MYO16: variants seen among roughly 807,000 people sequenced by gnomAD.
MYO16 encodes myosin XVI.
Under a neutral mutation model 205.3 loss-of-function variants are expected in MYO16, and 94 were observed. The observed-to-expected ratio is 0.46, with a 90% CI of 0.39 to 0.54. The LOEUF (loss-of-function observed/expected upper bound fraction) is 0.54. MYO16 is among the 20% of genes least tolerant of loss of function. MYO16 has a pLI of 0.00. For missense variants in MYO16, 2,315 were observed against 2,387.5 expected (o/e 0.97, Z 0.63); for synonymous variants, 988 against 954.0 (o/e 1.04, Z -0.66).
chr13:108,990,147 T>TAC (rs56975148), intron 20 of MYO16, among the ~76,000 whole-genome samples: 5,925 of 148,368 alleles, frequency 0.04, 125 homozygotes, highest in Non-Finnish European at 0.049. Context: ...ACACAGACAA[T>TAC]ACACACACAC....
chr13:108,950,501 A>T (rs962007510), intron 16 of MYO16, among the ~76,000 whole-genome samples: 1 of 152,216 alleles, frequency 6.6e-6, no homozygotes, highest in African/African-American at 2.4e-5. Flanking sequence ...ATACCACCAC[A>T]TACCTATCAG....
upstream of MYO16, chr13:108,596,132 ACT>A (rs1460100324): frequency 6.6e-6 from 1 of 151,510 alleles, no homozygotes; most frequent in Non-Finnish European, 1.5e-5. Flanking sequence ...GATGTGTCAG[ACT>A]CTGAGCGTGG....
intron 20 of MYO16, among the ~76,000 whole-genome samples, chr13:108,969,682 T>TAGCACGTTTGAGA (rs1883936051): frequency 6.6e-6 from 1 of 152,226 alleles, no homozygotes; most frequent in African/African-American, 2.4e-5. Flanking sequence ...TTTACAGTGT[T>TAGCACGTTTGAGA]AGCACGTTTG....
intron 34 of MYO16, among the ~76,000 whole-genome samples, chr13:109,191,617 G>C (rs187909688): frequency 4.6e-5 from 7 of 152,260 alleles, no homozygotes; most frequent in Admixed American, 4.6e-4. Flanking sequence ...AAAGGGAGCA[G>C]CCAAGGCCCT....
At chr13:109,108,860 C>T (rs1273851283) in intron 28 of MYO16, among the ~76,000 whole-genome samples, 1 of 152,046 alleles carries the variant, frequency 6.6e-6, no homozygotes, top group East Asian at 1.9e-4. Context: ...GTGTGCTGAG[C>T]CCCCGAGGTG....
intron 20 of MYO16, among the ~76,000 whole-genome samples, chr13:108,974,568 T>C (rs560186313): frequency 9.8e-5 from 15 of 152,326 alleles, no homozygotes; most frequent in Middle Eastern, 3.4e-3. Flanking sequence ...CTCCTTTTAG[T>C]TCTTGAGGAT....
intron 23 of MYO16, among the ~76,000 whole-genome samples, chr13:109,024,758 A>G (rs139962739): frequency 0.016 from 2,478 of 152,224 alleles, 39 homozygotes; most frequent in Middle Eastern, 0.061. Flanking sequence ...ACTGAGATGT[A>G]CTAATGAGTC....
At chr13:108,563,849 G>T in the MYO16 span, among the ~76,000 whole-genome samples, 2 of 152,140 alleles carry the variant, frequency 1.3e-5, no homozygotes, top group African/African-American at 4.8e-5. Flanking sequence ...TTCTTTTGGG[G>T]TATATACCCA....
At chr13:109,167,739 A>C (rs1481247256) in intron 33 of MYO16, among the ~76,000 whole-genome samples, 1 of 152,250 alleles carries the variant, frequency 6.6e-6, no homozygotes, top group Non-Finnish European at 1.5e-5. Context: ...TTTTAAAAGC[A>C]GTTAGAGGTA....
intron 4 of MYO16, among the ~76,000 whole-genome samples, chr13:108,753,449 A>G (rs1021035546): frequency 8.6e-5 from 13 of 150,754 alleles, no homozygotes; most frequent in Non-Finnish European, 1.6e-4. Context: ...TGTATTCGTT[A>G]AAAGGAGTCT....
chr13:108,934,956 T>C (rs1882414085), intron 16 of MYO16, among the ~76,000 whole-genome samples: 1 of 152,086 alleles, frequency 6.6e-6, no homozygotes, highest in Non-Finnish European at 1.5e-5. Flanking sequence ...ATTTCTGGGC[T>C]CTCTATTCTG....
At position 108,930,909 on chromosome 13, in the gene MYO16, G is replaced by A. The variant is rs114449970; in HGVS notation, c.1925+20759G>A. The stretch of plus-strand genomic sequence containing the variant: ...GCAAAATTGAAAATATCACATATAT[G>A]TGAGCCGTAACAGTTTAGATTAAAT... On this transcript the variant is annotated intron_variant, in intron 16 of 34. Coordinates refer to ENST00000457511, the MANE Select transcript of MYO16 (RefSeq NM_001198950.3). Among the ~76,000 whole-genome samples, 292 of 152,296 alleles carry A rather than the reference G, an allele frequency of 1.9e-3. 3 individuals carry two copies. Among genetic ancestry groups the A allele is most frequent in the African/African-American group, 6.8e-3 (282 of 41,566 alleles).
intron 20 of MYO16, 88 bp from the exon 21 acceptor site, chr13:108,992,288 C>T: frequency 1.2e-6 from 1 of 856,980 alleles, no homozygotes; most frequent in Non-Finnish European, 1.8e-6. Context: ...TGCTAAGTGG[C>T]TGGATTCTTC....
At chr13:108,836,054 G>T (rs4771613) in intron 9 of MYO16, among the ~76,000 whole-genome samples, 47,524 of 152,038 alleles carry the variant, frequency 0.31, 8,140 homozygotes, top group East Asian at 0.78. Context: ...GACCTTCACA[G>T]CAGCCCCTCT....
At chr13:108,634,350 C>T (rs1012835607) in intron 1 of MYO16, among the ~76,000 whole-genome samples, 3 of 152,300 alleles carry the variant, frequency 2.0e-5, no homozygotes, top group African/African-American at 4.8e-5. Context: ...AAGGCCAGTG[C>T]GCTTGCAATT....
At chr13:109,005,586 G>A (rs1403243485) in intron 21 of MYO16, among the ~76,000 whole-genome samples, 1 of 151,980 alleles carries the variant, frequency 6.6e-6, no homozygotes, top group East Asian at 1.9e-4. Context: ...ACTCCATCAG[G>A]TTGTAAGAAC....
chr13:108,497,735 G>C, the MYO16 span, among the ~76,000 whole-genome samples: 7 of 152,072 alleles, frequency 4.6e-5, no homozygotes, highest in Non-Finnish European at 8.8e-5. Flanking sequence ...GAAGGTTTCT[G>C]CCCCTCTCCT....
intron 12 of MYO16, among the ~76,000 whole-genome samples, chr13:108,870,239 A>G (rs1406856847): frequency 6.6e-6 from 1 of 152,054 alleles, no homozygotes; most frequent in Non-Finnish European, 1.5e-5. Context: ...TTGAAATATT[A>G]AACCTACCTT....
chr13:109,064,581 C>T (rs994951070), intron 27 of MYO16, among the ~76,000 whole-genome samples: 1 of 152,172 alleles, frequency 6.6e-6, no homozygotes, highest in African/African-American at 2.4e-5. Context: ...CATACCTAAG[C>T]TCAAACCAGC....
Sources: gnomAD v4.1 joint callset for allele counts (sites outside exome capture counted in the v4.1 genomes callset) on GRCh38, gnomAD v4.1.1 for gene constraint, MANE v1.5 for transcripts, NCBI Gene and HGNC (gene_info 2026-07-23, HGNC 2026-07-21) for gene names.